The following CDH1 variants were observed in gnomAD, a reference collection of about 807,000 sequenced individuals.
CDH1 encodes the protein cadherin-1.
Under a neutral mutation model 84.5 loss-of-function variants are expected in CDH1, and 35 were observed. The observed-to-expected ratio is 0.41, with a 90% CI of 0.32 to 0.55. The LOEUF (loss-of-function observed/expected upper bound fraction) is 0.55, where lower values mean the gene tolerates loss of function less well. Ranked by LOEUF, CDH1 falls within the 20% of genes least tolerant of loss-of-function variation. The pLI, the probability that CDH1 is intolerant of heterozygous loss-of-function variation, is 0.19. For synonymous variants in CDH1, 417 were observed against 439.0 expected, an observed-to-expected ratio of 0.95 and a Z score of 0.63; for missense variants, 994 against 1,126.6, an observed-to-expected ratio of 0.88 and a Z score of 1.68.
chr16:68,741,201 A>G (rs1032733979), intron 2 of CDH1, among the ~76,000 whole-genome samples: 1 of 152,112 alleles, frequency 6.6e-6, no homozygotes, highest in African/African-American at 2.4e-5. Flanking sequence ...CCCCCACACA[A>G]CAGATTTCCT....
intron 2 of CDH1, among the ~76,000 whole-genome samples, chr16:68,772,098 G>A (rs1055322915): frequency 1.3e-5 from 2 of 152,136 alleles, no homozygotes; most frequent in African/African-American, 4.8e-5. Flanking sequence ...CTCTGACCTG[G>A]GGCTCTCAAC....
intron 2 of CDH1, among the ~76,000 whole-genome samples, chr16:68,780,582 T>G (rs1457594228): frequency 6.6e-6 from 1 of 152,216 alleles, no homozygotes; most frequent in African/African-American, 2.4e-5. Flanking sequence ...TCGGCCACCA[T>G]GCCCAGCACC....
At chr16:68,791,112 G>A (rs542059944) in intron 2 of CDH1, among the ~76,000 whole-genome samples, 1 of 152,258 alleles carries the variant, frequency 6.6e-6, no homozygotes, top group South Asian at 2.1e-4. Context: ...GTGGTTATCT[G>A]TTGTGATTGT....
intron 11 of CDH1, among the ~76,000 whole-genome samples, chr16:68,821,220 C>T (rs1488218246): frequency 6.6e-6 from 1 of 152,070 alleles, no homozygotes; most frequent in South Asian, 2.1e-4. Flanking sequence ...CGCCTATAAT[C>T]CCAACACTTT....
At chr16:68,789,629 G>A (rs1960156647) in intron 2 of CDH1, among the ~76,000 whole-genome samples, 1 of 151,932 alleles carries the variant, frequency 6.6e-6, no homozygotes, top group Non-Finnish European at 1.5e-5. Context: ...ACTTAAGCAA[G>A]CGTCACCACA....
intron 2 of CDH1, among the ~76,000 whole-genome samples, chr16:68,744,882 G>A (rs564237638): frequency 5.3e-5 from 8 of 152,214 alleles, no homozygotes; most frequent in Admixed American, 2.0e-4. Flanking sequence ...GATCCCCTGC[G>A]CTCCCTCTCA....
chr16:68,739,189 C>T (rs1051323825), intron 2 of CDH1, among the ~76,000 whole-genome samples: 2 of 151,670 alleles, frequency 1.3e-5, no homozygotes, highest in African/African-American at 4.8e-5. Flanking sequence ...CCGAGGTGGG[C>T]GGATCACAAG....
intron 2 of CDH1, among the ~76,000 whole-genome samples, chr16:68,793,697 GC>G (rs1414929932): frequency 6.6e-5 from 10 of 152,202 alleles, no homozygotes; most frequent in African/African-American, 2.4e-4. Flanking sequence ...TTTAGGACCA[GC>G]CTGACCAAGA....
At chr16:68,744,145 T>C (rs1962663178) in intron 2 of CDH1, among the ~76,000 whole-genome samples, 2 of 152,180 alleles carry the variant, frequency 1.3e-5, no homozygotes. Flanking sequence ...TCTTGGCCAA[T>C]ATTTTTCCCT....
At chr16:68,748,206 G>C (rs1371592641) in intron 2 of CDH1, among the ~76,000 whole-genome samples, 1 of 148,476 alleles carries the variant, frequency 6.7e-6, no homozygotes, top group Non-Finnish European at 1.5e-5. Flanking sequence ...TCCGCCTCCC[G>C]GGTTCAAGTG....
At chr16:68,738,197 C>A in intron 1 of CDH1, 100 bp from the exon 2 acceptor site, 1 of 812,446 alleles carries the variant, frequency 1.2e-6, no homozygotes. Context: ...CTCCCCCAAT[C>A]CCGACGCCGG....
intron 2 of CDH1, among the ~76,000 whole-genome samples, chr16:68,788,946 G>C (rs931728445): frequency 6.6e-6 from 1 of 152,022 alleles, no homozygotes; most frequent in Non-Finnish European, 1.5e-5. Context: ...CGGAGGTTGC[G>C]GTAATCTGAG....
chr16:68,801,092 T>A (rs1960484597), intron 2 of CDH1, among the ~76,000 whole-genome samples: 1 of 152,276 alleles, frequency 6.6e-6, no homozygotes, highest in South Asian at 2.1e-4. Flanking sequence ...GTATTAATAC[T>A]TTTTAAAGTT....
chr16:68,786,835 G>A (rs903938899), intron 2 of CDH1, among the ~76,000 whole-genome samples: 2 of 152,182 alleles, frequency 1.3e-5, no homozygotes, highest in African/African-American at 4.8e-5. Context: ...TGGAGACTGT[G>A]GGAAATGCCT....
intron 10 of CDH1, among the ~76,000 whole-genome samples, chr16:68,818,456 C>T (rs1204861766): frequency 6.6e-6 from 1 of 151,018 alleles, no homozygotes; most frequent in Non-Finnish European, 1.5e-5. Flanking sequence ...AATGAGTAAA[C>T]TCAGGTGAAG....
At chr16:68,774,936 T>G (rs1783166514) in intron 2 of CDH1, among the ~76,000 whole-genome samples, 1 of 152,034 alleles carries the variant, frequency 6.6e-6, no homozygotes, top group African/African-American at 2.4e-5. Flanking sequence ...AACTTCTAAT[T>G]ATGGAAACTT....
intron 2 of CDH1, among the ~76,000 whole-genome samples, chr16:68,745,729 A>T (rs1270620748): frequency 6.6e-6 from 1 of 151,494 alleles, no homozygotes; most frequent in Admixed American, 6.6e-5. Flanking sequence ...CTAAAAATCA[A>T]ATCACCTAGG....
rs1219900433 is a variant in CDH1 at position 68,835,378 on chromosome 16, A to C, written c.*1879A>C. ...CGGCAGTTCAAGCTATATCGAATAT[A>C]GTTCTGTGTAGAGAATGTCACTGTA... On this transcript the variant is annotated 3_prime_UTR_variant, in exon 16 of 16. Coordinates refer to ENST00000261769, the MANE Select transcript of CDH1 (RefSeq NM_004360.5). 1 of 221,274 alleles carries C rather than the reference A, an allele frequency of 4.5e-6. No homozygotes were observed. The highest frequency in any genetic ancestry group is 2.2e-5 in the African/African-American group (1 of 44,622). 13.7% of individuals were successfully genotyped at this position (221,274 alleles called of 1,614,324 possible).
chr16:68,759,479 T>C (rs978703614), intron 2 of CDH1, among the ~76,000 whole-genome samples: 1 of 151,646 alleles, frequency 6.6e-6, no homozygotes, highest in Non-Finnish European at 1.5e-5. Context: ...TTCCATTTTC[T>C]TTTCTTTCTT....
Sources: gnomAD v4.1 joint callset for allele counts (sites outside exome capture counted in the v4.1 genomes callset) on GRCh38, gnomAD v4.1.1 for gene constraint, MANE v1.5 for transcripts, NCBI Gene and HGNC (gene_info 2026-07-23, HGNC 2026-07-21) for gene names.